GRID1: variants seen among roughly 807,000 people sequenced by gnomAD.
GRID1 encodes the protein glutamate ionotropic receptor delta type subunit 1, also known as glutamate receptor ionotropic, delta-1.
In GRID1, 28 loss-of-function variants were observed where a neutral mutation model predicts 98.0. The observed-to-expected ratio is 0.29, with a 90% CI of 0.21 to 0.39. The LOEUF (loss-of-function observed/expected upper bound fraction) is 0.39. Among genes scored for constraint, GRID1 ranks in the 10% least tolerant of loss-of-function variants. GRID1 has a pLI of 1.00. For synonymous variants in GRID1, 553 were observed against 538.5 expected, an observed-to-expected ratio of 1.03 and a Z score of -0.37; for missense variants, 1,111 against 1,340.5, an observed-to-expected ratio of 0.83 and a Z score of 2.67.
At chr10:86,216,424 A>G (rs1413409421) in intron 2 of GRID1, among the ~76,000 whole-genome samples, 2 of 152,206 alleles carry the variant, frequency 1.3e-5, no homozygotes, top group African/African-American at 2.4e-5. Flanking sequence ...AATGGGATGG[A>G]ACTTATGTTA....
intron 2 of GRID1, among the ~76,000 whole-genome samples, chr10:86,211,055 T>C (rs1478423244): frequency 6.6e-6 from 1 of 152,156 alleles, no homozygotes; most frequent in African/African-American, 2.4e-5. Context: ...TTTCTTTCTG[T>C]CTTTCTTTCT....
At chr10:85,871,036 C>A (rs1231189102) in intron 5 of GRID1, among the ~76,000 whole-genome samples, 1 of 152,136 alleles carries the variant, frequency 6.6e-6, no homozygotes. Flanking sequence ...CTGTGTGCAA[C>A]ATGGGAACTA....
At chr10:85,949,007 A>G (rs1383084300) in intron 4 of GRID1, among the ~76,000 whole-genome samples, 1 of 152,142 alleles carries the variant, frequency 6.6e-6, no homozygotes, top group Non-Finnish European at 1.5e-5. Context: ...CAAACTGGAG[A>G]GGAGAGAAAC....
At chr10:85,845,931 G>T (rs1293793526) in intron 8 of GRID1, among the ~76,000 whole-genome samples, 2 of 152,092 alleles carry the variant, frequency 1.3e-5, no homozygotes, top group Non-Finnish European at 2.9e-5. Context: ...CTAATTAAGG[G>T]CATTAGATAT....
chr10:86,228,735 A>C (rs79800794), intron 2 of GRID1, among the ~76,000 whole-genome samples: 10 of 79,534 alleles, frequency 1.3e-4, no homozygotes, highest in African/African-American at 3.2e-4. Flanking sequence ...AGAGACACCC[A>C]CACACACACA....
intron 8 of GRID1, among the ~76,000 whole-genome samples, chr10:85,761,796 T>C (rs1842149898): frequency 6.6e-6 from 1 of 152,098 alleles, no homozygotes; most frequent in African/African-American, 2.4e-5. Flanking sequence ...ACAGTCCCTA[T>C]GCCATGCTCC....
At chr10:86,022,223 T>C (rs1258060991) in intron 4 of GRID1, among the ~76,000 whole-genome samples, 1 of 152,268 alleles carries the variant, frequency 6.6e-6, no homozygotes, top group Non-Finnish European at 1.5e-5. Flanking sequence ...TTTTATAAAA[T>C]GTATCTTTAG....
At chr10:85,958,760 G>A (rs7919522) in intron 4 of GRID1, among the ~76,000 whole-genome samples, 1 of 151,736 alleles carries the variant, frequency 6.6e-6, no homozygotes, top group Non-Finnish European at 1.5e-5. Context: ...AAGTTCAAGA[G>A]CAGCCTGACC....
chr10:85,658,734 G>A (rs1385638028), intron 12 of GRID1, among the ~76,000 whole-genome samples: 1 of 147,482 alleles, frequency 6.8e-6, no homozygotes, highest in African/African-American at 2.7e-5. Context: ...TGGGAAGGGT[G>A]AGGCTGAGGC....
At chr10:85,746,204 T>C (rs1164744542) in intron 8 of GRID1, among the ~76,000 whole-genome samples, 1 of 152,236 alleles carries the variant, frequency 6.6e-6, no homozygotes, top group Non-Finnish European at 1.5e-5. Flanking sequence ...GCTTCATCTG[T>C]ACCTCAACCT....
At chr10:85,769,105 A>G (rs1218587683) in intron 8 of GRID1, among the ~76,000 whole-genome samples, 1 of 152,234 alleles carries the variant, frequency 6.6e-6, no homozygotes, top group Non-Finnish European at 1.5e-5. Context: ...AAGAATCAAG[A>G]AGTTCTTTCT....
At chr10:85,668,387 G>A (rs1402343027) in intron 12 of GRID1, among the ~76,000 whole-genome samples, 1 of 152,196 alleles carries the variant, frequency 6.6e-6, no homozygotes, top group African/African-American at 2.4e-5. Context: ...TCCTCTCTGT[G>A]TGGAGCTCTG....
intron 12 of GRID1, among the ~76,000 whole-genome samples, chr10:85,679,719 C>A (rs770387555): frequency 6.6e-6 from 1 of 152,248 alleles, no homozygotes; most frequent in African/African-American, 2.4e-5. Context: ...GAGAAAATAC[C>A]ATCCTGCTAG....
At position 86,206,455 on chromosome 10, in the gene GRID1, C is replaced by T. The variant is rs373643250; in HGVS notation, c.429G>A (p.Ser143=). The change falls in exon 3 of 16, where the codon TCG becomes TCA. Residue 143 remains serine, a synonymous_variant. Coordinates refer to ENST00000327946, the MANE Select transcript of GRID1 (RefSeq NM_017551.3). This position sits in a 1 kb window ranked among gnomAD's most constrained non-coding sequence, Gnocchi z 4.1. ...CATCATTGAGGCGGACGGGTGGTCT[C>T]GAAGCCAGTGTGTAGGCCTCACCAT... ...SPDGEAYTLA[S]RPPVRLNDVM... The T allele has an allele frequency of 5.6e-6, 9 of 1,614,080 alleles. No individual in the cohort carries two copies. The highest frequency in any genetic ancestry group is 1.1e-5 in the South Asian group (1 of 91,080).
Position 85,836,614 on chromosome 10 carries a change from T to C in GRID1, c.1233+17882A>G, listed in dbSNP as rs565746524. On this transcript the variant is annotated intron_variant, in intron 8 of 15. Transcript: ENST00000327946. ...AAGTGGTGGGGCAGCAGCCAGCTGATGTAGAGTATAGAGGCTTTGGTATAG... is the reference window on the plus strand; with the variant it reads ...AAGTGGTGGGGCAGCAGCCAGCTGACGTAGAGTATAGAGGCTTTGGTATAG... Among the ~76,000 whole-genome samples the C allele has an allele frequency of 3.9e-5, 6 of 152,306 alleles. No individual in the cohort carries two copies. In the South Asian group the frequency reaches 8.3e-4, roughly 21 times the overall value.
At chr10:86,186,107 C>A (rs937996368) in intron 3 of GRID1, among the ~76,000 whole-genome samples, 1 of 152,108 alleles carries the variant, frequency 6.6e-6, no homozygotes, top group African/African-American at 2.4e-5. Context: ...AGTATATGAC[C>A]ATTCAGGCTT....
At chr10:85,985,060 A>G (rs1842592647) in intron 4 of GRID1, among the ~76,000 whole-genome samples, 1 of 152,164 alleles carries the variant, frequency 6.6e-6, no homozygotes, top group African/African-American at 2.4e-5. Context: ...TCTACCCACT[A>G]GATGCCAGTA....
chr10:85,701,217 C>CT (rs1841447371), intron 12 of GRID1, among the ~76,000 whole-genome samples: 2 of 152,076 alleles, frequency 1.3e-5, no homozygotes, highest in Non-Finnish European at 2.9e-5. Flanking sequence ...CCGTGGATTT[C>CT]TTCTTATATT....
At chr10:85,758,453 A>C (rs1285879998) in intron 8 of GRID1, among the ~76,000 whole-genome samples, 1 of 152,082 alleles carries the variant, frequency 6.6e-6, no homozygotes, top group East Asian at 1.9e-4. Flanking sequence ...TCAGAGGGTA[A>C]TTGTTGAGGC....
Sources: allele counts gnomAD v4.1 joint callset (sites outside exome capture counted in the v4.1 genomes callset), GRCh38; gene constraint gnomAD v4.1.1; non-coding constraint Gnocchi (gnomAD v3.1); transcripts MANE v1.5; gene names NCBI Gene and HGNC (gene_info 2026-07-23, HGNC 2026-07-21).